The following GPRIN3 variants were observed in gnomAD, a reference collection of about 807,000 sequenced individuals.
The protein encoded by GPRIN3 is G protein-regulated inducer of neurite outgrowth 3.
A neutral mutation model predicts 13.7 loss-of-function variants in GPRIN3; 12 were observed. The observed-to-expected ratio is 0.87, with a 90% CI of 0.56 to 1.42. GPRIN3 has a LOEUF of 1.42. GPRIN3 is among the 40% of genes most tolerant of loss of function. The pLI is 0.00. For synonymous variants in GPRIN3, 377 were observed against 372.7 expected (o/e 1.01, Z -0.13); for missense variants, 1,009 against 958.7 (o/e 1.05, Z -0.69).
chr4:89,298,158 T>TA (rs1245990796), intron 1 of GPRIN3, among the ~76,000 whole-genome samples: 4 of 152,184 alleles, frequency 2.6e-5, no homozygotes, highest in African/African-American at 9.7e-5. Context: ...GTAGTACACA[T>TA]ACCAGCAGAC....
intron 1 of GPRIN3, among the ~76,000 whole-genome samples, chr4:89,282,210 T>G (rs1200936514): frequency 1.3e-5 from 2 of 152,366 alleles, no homozygotes; most frequent in East Asian, 3.9e-4. Flanking sequence ...CTAGCAATGA[T>G]GAGAATTATG....
intron 1 of GPRIN3, among the ~76,000 whole-genome samples, chr4:89,274,483 A>C (rs1481426173): frequency 6.6e-6 from 1 of 152,152 alleles, no homozygotes; most frequent in African/African-American, 2.4e-5. Context: ...GACTATGTTG[A>C]TATTTGCACG....
chr4:89,302,326 A>G (rs757431068), intron 1 of GPRIN3, among the ~76,000 whole-genome samples: 5 of 152,200 alleles, frequency 3.3e-5, no homozygotes, highest in Non-Finnish European at 7.3e-5. Context: ...CTTCAGCTCT[A>G]TTAGTGACTA....
intron 1 of GPRIN3, among the ~76,000 whole-genome samples, chr4:89,304,420 G>GTA (rs916255508): frequency 2.9e-5 from 4 of 138,784 alleles, no homozygotes; most frequent in Middle Eastern, 3.8e-3. Context: ...ACACACATAC[G>GTA]TATATATATA....
Position 89,247,730 on chromosome 4 carries a change from C to T in GPRIN3, c.*50G>A, listed in dbSNP as rs182750073. The T allele has an allele frequency of 5.1e-3, 7,672 of 1,518,050 alleles. 31 individuals carry two copies. Among genetic ancestry groups the T allele is most frequent in the Non-Finnish European group, 6.2e-3 (6,916 of 1,123,516 alleles). 94.0% of individuals were successfully genotyped at this position (1,518,050 alleles called of 1,614,324 possible). On this transcript the variant is annotated 3_prime_UTR_variant, in exon 2 of 2. Coordinates refer to ENST00000609438, the MANE Select transcript of GPRIN3 (RefSeq NM_198281.3). The stretch of plus-strand genomic sequence containing the variant: ...CTAAGCAAGCTTTGACATAGAGGGA[C>T]GCATGTGAATACCGTAAATTTATAC...
intron 1 of GPRIN3, among the ~76,000 whole-genome samples, chr4:89,282,613 T>TTA (rs1724283034): frequency 6.7e-6 from 1 of 148,288 alleles, no homozygotes; most frequent in Non-Finnish European, 1.5e-5. Context: ...TTTTTTTTTT[T>TTA]TTAGCTGATC....
At position 89,245,030 on chromosome 4, in the gene GPRIN3, T is replaced by G; in HGVS notation, c.*2750A>C. ...GCAGCTTCATCTGTTGAATGAACCT[T>G]AGGTTTCACAAATAAGGTATACTAA... On this transcript the variant is annotated 3_prime_UTR_variant, in exon 2 of 2. Transcript: ENST00000609438. 6.6e-6 allele frequency: 1 copy of G among 152,184 alleles called. No homozygotes were observed. The highest frequency in any genetic ancestry group is 1.5e-5 in the Non-Finnish European group (1 of 68,030). The allele number at this position is 152,184 out of a possible 1,614,324, so 9.4% of individuals were successfully genotyped here.
In GPRIN3 at chr4:89,248,992, A is replaced by G. The variant is rs369882222; in HGVS notation, c.1119T>C (p.Ser373=). The part of the protein sequence containing the change: ...HSSGSHTLEL[S]DSTLAPQESS... ...ACTCCTGGGGGGCTAGCGTGCTGTC[A>G]GAGAGCTCCAGTGTGTGGCTCCCAC... The change falls in exon 2 of 2, where the codon TCT becomes TCC. Residue 373 remains serine, a synonymous_variant. Transcript: ENST00000609438. 2.5e-5 allele frequency: 40 copies of G among 1,614,048 alleles called. No homozygotes were observed. Among genetic ancestry groups the G allele is most frequent in the Non-Finnish European group, 3.3e-5 (39 of 1,180,016 alleles).
chr4:89,271,411 CA>C (rs376806637), intron 1 of GPRIN3, among the ~76,000 whole-genome samples: 6 of 151,866 alleles, frequency 4.0e-5, no homozygotes, highest in African/African-American at 1.5e-4. Context: ...CCACTTCAGA[CA>C]CCAAAATCCA....
At position 89,245,659 on chromosome 4, in the gene GPRIN3, G is replaced by A. The variant is rs1167168012; in HGVS notation, c.*2121C>T. Reference sequence around the variant, plus strand: ...ACAGCTGCTACTGTGTACACAGGCTGTACTCTGTGTATACACAGCATGTAT... The same window carrying A: ...ACAGCTGCTACTGTGTACACAGGCTATACTCTGTGTATACACAGCATGTAT... On this transcript the variant is annotated 3_prime_UTR_variant, in exon 2 of 2. Coordinates refer to ENST00000609438, the MANE Select transcript of GPRIN3 (RefSeq NM_198281.3). The A allele has an allele frequency of 6.6e-6, 1 of 152,226 alleles. No homozygotes were observed. The highest frequency in any genetic ancestry group is 1.5e-5 in the Non-Finnish European group (1 of 68,056). 9.4% of individuals were successfully genotyped at this position (152,226 alleles called of 1,614,324 possible).
chr4:89,301,454 A>G (rs1177321712), intron 1 of GPRIN3, among the ~76,000 whole-genome samples: 3 of 152,230 alleles, frequency 2.0e-5, no homozygotes, highest in African/African-American at 7.2e-5. Context: ...AAAACTGTCA[A>G]CAAGAATTGA....
chr4:89,261,263 C>T (rs1022726664), intron 1 of GPRIN3, among the ~76,000 whole-genome samples: 7 of 152,160 alleles, frequency 4.6e-5, no homozygotes, highest in African/African-American at 1.2e-4. Context: ...CAGCGCAATG[C>T]TGGCCTCCGC....
At position 89,248,392 on chromosome 4, in the gene GPRIN3, G is replaced by T. The variant is rs1453380216; in HGVS notation, c.1719C>A (p.Gly573=). 1 of 1,614,100 alleles carries T rather than the reference G, an allele frequency of 6.2e-7. No individual in the cohort carries two copies. The highest frequency in any genetic ancestry group is 1.3e-5 in the African/African-American group (1 of 75,018). The change falls in exon 2 of 2, where the codon GGC becomes GGA. Residue 573 remains glycine (G), a synonymous_variant. Coordinates refer to ENST00000609438, the MANE Select transcript of GPRIN3 (RefSeq NM_198281.3). ...LLNPKSQESG[G]TESAANPTPS... is the part of the protein sequence containing the mutation. ...GTGTAGGATTAGCAGCTGATTCTGT[G>T]CCTCCACTTTCTTGGGATTTAGGAT... is the stretch of plus-strand genomic sequence containing the variant.
Position 89,242,332 on chromosome 4 carries a change from G to A in GPRIN3, c.*5448C>T, listed in dbSNP as rs1392148319. On this transcript the variant is annotated 3_prime_UTR_variant, in exon 2 of 2. Coordinates refer to ENST00000609438, the MANE Select transcript of GPRIN3 (RefSeq NM_198281.3). ...ACATCCGGGAGCCCATTTTTTCACAGCTAAAGCTGGTAATCCTCTGGGCAG... is the reference window on the plus strand; with the variant it reads ...ACATCCGGGAGCCCATTTTTTCACAACTAAAGCTGGTAATCCTCTGGGCAG... 6.6e-6 allele frequency: 1 copy of A among 152,140 alleles called. No individual in the cohort carries two copies. Among genetic ancestry groups the A allele is most frequent in the Non-Finnish European group, 1.5e-5 (1 of 68,020 alleles). The allele number at this position is 152,140 out of a possible 1,614,324, so 9.4% of individuals were successfully genotyped here.
intron 1 of GPRIN3, among the ~76,000 whole-genome samples, chr4:89,272,279 A>C (rs1255577564): frequency 1.3e-5 from 2 of 152,200 alleles, no homozygotes; most frequent in African/African-American, 2.4e-5. Context: ...AAAAGACTGC[A>C]GGAAAATTGA....
At position 89,249,181 on chromosome 4, in the gene GPRIN3, C is replaced by T; in HGVS notation, c.930G>A (p.Lys310=). 1 of 1,614,146 alleles carries T rather than the reference C, an allele frequency of 6.2e-7. No homozygotes were observed. Among genetic ancestry groups the T allele is most frequent in the East Asian group, 2.2e-5 (1 of 44,870 alleles). Residue 310 remains lysine, a synonymous_variant, in exon 2 of 2, where the codon AAG becomes AAA. Coordinates refer to ENST00000609438, the MANE Select transcript of GPRIN3 (RefSeq NM_198281.3). ...CTTGCCAAGCCCTGCTGGGAACTTC[C>T]TTGATTTCACTTTCAGCTTGGTTGG... The part of the protein sequence containing the change: ...TMTNQAESEI[K]EVPSRAWQDA...
At chr4:89,301,756 T>A (rs899488871) in intron 1 of GPRIN3, among the ~76,000 whole-genome samples, 1 of 152,208 alleles carries the variant, frequency 6.6e-6, no homozygotes, top group Non-Finnish European at 1.5e-5. Context: ...AACTCTTTTT[T>A]CCTCCAGAAA....
chr4:89,258,059 C>T (rs955661776), intron 1 of GPRIN3, among the ~76,000 whole-genome samples: 24 of 151,372 alleles, frequency 1.6e-4, no homozygotes, highest in African/African-American at 5.3e-4. Context: ...TCTTACCTTC[C>T]TAGGTTCTCT....
Position 89,305,360 on chromosome 4 carries a change from C to T in GPRIN3, c.-124+2255G>A, listed in dbSNP as rs955796613. Among the ~76,000 whole-genome samples, 5 of 152,156 alleles carry T rather than the reference C, an allele frequency of 3.3e-5. No individual in the cohort carries two copies. The East Asian group carries it at 7.7e-4, about 23-fold the overall frequency. ...GCACCCTGTCAGGGCACTCCACCAG[C>T]GGTTGCTGGCAGTGTCCCTCCCAAG... On this transcript the variant is annotated intron_variant, in intron 1 of 1. Transcript: ENST00000609438.
Sources: allele counts gnomAD v4.1 joint callset (sites outside exome capture counted in the v4.1 genomes callset), GRCh38; gene constraint gnomAD v4.1.1; transcripts MANE v1.5; gene names NCBI Gene and HGNC (gene_info 2026-07-23, HGNC 2026-07-21).